Variants in PDLIM7 observed in about 807,000 individuals in gnomAD.
PDLIM7 encodes PDZ and LIM domain protein 7.
PDLIM7 carries 37 observed loss-of-function variants against 53.9 expected under a neutral mutation model. The ratio of observed to expected loss-of-function variants is 0.69; its 90% confidence interval spans 0.53 to 0.90. The LOEUF (loss-of-function observed/expected upper bound fraction) is 0.90. PDLIM7 is among the 40% of genes least tolerant of loss of function. PDLIM7 has a pLI of 0.00. For synonymous variants in PDLIM7, 300 were observed against 261.3 expected, an observed-to-expected ratio of 1.15 and a Z score of -1.43; for missense variants, 617 against 638.5, an observed-to-expected ratio of 0.97 and a Z score of 0.36.
chr5:177,488,227 C>G lies in PDLIM7; in HGVS notation c.891G>C (p.Leu297=), dbSNP rs1476647820. ...KVIRGRYLVA[L]GHAYHPEEFV... The stretch of plus-strand genomic sequence containing the variant: ...ACTCCTCCGGGTGGTACGCGTGGCC[C>G]AGCGCCACCAGGTAGCGGCCCCTGC... Residue 297 remains leucine (L), a synonymous_variant, in exon 10 of 13, where the codon CTG becomes CTC. Transcript: ENST00000355841. The G allele has an allele frequency of 6.2e-7, 1 of 1,607,012 alleles. No individual in the cohort carries two copies. The highest frequency in any genetic ancestry group is 8.5e-7 in the Non-Finnish European group (1 of 1,176,398).
chr5:177,496,072 TG>T (rs1304799011), intron 2 of PDLIM7, among the ~76,000 whole-genome samples: 2 of 152,110 alleles, frequency 1.3e-5, no homozygotes, highest in African/African-American at 4.8e-5. Context: ...GTGTCCTGCC[TG>T]GGGCCTGGCT....
chr5:177,494,886 G>C (rs1353904656), intron 2 of PDLIM7: 1 of 152,260 alleles, frequency 6.6e-6, no homozygotes. Context: ...TCCATTCTGG[G>C]GTCAGGGGAG....
intron 2 of PDLIM7, among the ~76,000 whole-genome samples, chr5:177,494,749 A>C (rs1194042217): frequency 1.3e-5 from 2 of 152,074 alleles, no homozygotes; most frequent in African/African-American, 4.8e-5. Context: ...GGAGGGAAAA[A>C]GCCAGGGGGC....
At chr5:177,490,716 A>AG in intron 7 of PDLIM7, 154 bp downstream of exon 7, 5 of 53,676 alleles carry the variant, frequency 9.3e-5, no homozygotes, top group Non-Finnish European at 1.7e-4. Flanking sequence ...GAGGAAGGGA[A>AG]GGAAGGAAGG....
rs1474701215 is a variant in PDLIM7 at position 177,489,779 on chromosome 5, G to A, written c.626C>T (p.Pro209Leu). 3.8e-6 allele frequency: 6 copies of A among 1,564,360 alleles called. No homozygotes were observed. Among genetic ancestry groups the A allele is most frequent in the South Asian group, 1.2e-5 (1 of 85,886 alleles). Residue 209 changes from proline to leucine, a missense_variant, in exon 8 of 13, where the codon CCC becomes CTC. Transcript: ENST00000355841. ...AGCCCACTCCCTCTCACCAGGCCAG[G>A]GCTCCTGGGGTGTAGATGAGGCTGG... is the stretch of plus-strand genomic sequence containing the variant. ...PAPASSTPQE[P>L]WPGPTAPSPT...
intron 7 of PDLIM7, chr5:177,490,044 G>A (rs1758669149): frequency 2.6e-6 from 4 of 1,532,692 alleles, no homozygotes; most frequent in South Asian, 1.2e-5. Context: ...GGGAGACGAG[G>A]CAGGGCTCCC....
Position 177,489,687 on chromosome 5 carries a change from C to A in PDLIM7, c.635-60G>T. 7 of 1,494,312 alleles carry A rather than the reference C, an allele frequency of 4.7e-6. No homozygotes were observed. The South Asian group carries it at 7.8e-5, about 17-fold the overall frequency. The allele number at this position is 1,494,312 out of a possible 1,614,324, so 92.6% of individuals were successfully genotyped here. A position where few individuals can be genotyped will look rare whatever the true frequency, so the allele number is the denominator to read the frequency against. On this transcript the variant is annotated intron_variant, in intron 8 of 12. Coordinates refer to ENST00000355841, the MANE Select transcript of PDLIM7 (RefSeq NM_005451.5). ...GGACCCCAAAGGACGGGGGTGGAGC[C>A]CCAGGCAGCTGAGAGAAGCCCACCA...
chr5:177,492,302 C>G (rs1398513887), intron 4 of PDLIM7, 103 bp downstream of exon 4: 18 of 1,460,016 alleles, frequency 1.2e-5, no homozygotes, highest in Non-Finnish European at 1.6e-5. Context: ...CCCTCCACTC[C>G]CGGCCAGGGA....
At position 177,489,568 on chromosome 5, in the gene PDLIM7, C is replaced by G. The variant is rs747995602; in HGVS notation, c.694G>C (p.Glu232Gln). 1.1e-4 allele frequency: 178 copies of G among 1,610,444 alleles called. No homozygotes were observed. The highest frequency in any genetic ancestry group is 1.7e-4 in the African/African-American group (13 of 74,902). ...CTCGTTTTGTCCGGGGCATAGCGCT[C>G]GGCAAACGCAGGGTCCACAGCCCAG... The part of the protein sequence containing the change: ...PPWAVDPAFA[E>Q]RYAPDKTSTV... Residue 232 changes from glutamate (E) to glutamine (Q), a missense_variant, in exon 9 of 13, where the codon GAG becomes CAG. Coordinates refer to ENST00000355841, the MANE Select transcript of PDLIM7 (RefSeq NM_005451.5).
At chr5:177,489,951 G>A (rs1310867753) in intron 7 of PDLIM7, 119 bp from the exon 8 acceptor site, 1 of 1,537,024 alleles carries the variant, frequency 6.5e-7, no homozygotes, top group Admixed American at 2.0e-5. Context: ...CTGCCGAGTT[G>A]GATTCCAGGT....
intron 4 of PDLIM7, chr5:177,492,191 C>CAGACAGGCGGAA (rs1758832470): frequency 1.5e-6 from 1 of 645,752 alleles, no homozygotes; most frequent in Non-Finnish European, 2.6e-6. Context: ...AGCAGGCGGA[C>CAGACAGGCGGAA]AGACAGGCGG....
Position 177,488,238 on chromosome 5 carries a change from G to C in PDLIM7, c.880C>G (p.Leu294Val). The C allele has an allele frequency of 6.2e-7, 1 of 1,603,184 alleles. No individual in the cohort carries two copies. Among genetic ancestry groups the C allele is most frequent in the Middle Eastern group, 1.7e-4 (1 of 6,010 alleles). ...TGGTACGCGTGGCCCAGCGCCACCAGGTAGCGGCCCCTGCAGGGAGGCGAG... is the reference window on the plus strand; with the variant it reads ...TGGTACGCGTGGCCCAGCGCCACCACGTAGCGGCCCCTGCAGGGAGGCGAG... ...QCHKVIRGRY[L>V]VALGHAYHPE... Residue 294 changes from leucine to valine, a missense_variant, in exon 10 of 13, where the codon CTG (leucine) becomes GTG (valine). Physicochemically the swap from Leu to Val is conservative, Grantham distance 32. Coordinates refer to ENST00000355841, the MANE Select transcript of PDLIM7 (RefSeq NM_005451.5).
intron 11 of PDLIM7, 40 bp from the exon 12 acceptor site, chr5:177,484,022 G>A (rs371792870): frequency 8.1e-6 from 13 of 1,613,288 alleles, no homozygotes; most frequent in African/African-American, 2.7e-5. Flanking sequence ...CTGGATTCAT[G>A]CCTGCCCCAT....
chr5:177,494,820 G>C (rs563648095), intron 2 of PDLIM7, among the ~76,000 whole-genome samples: 1 of 152,232 alleles, frequency 6.6e-6, no homozygotes, highest in Admixed American at 6.5e-5. Context: ...AGTCCCAGAC[G>C]TTACCTCATC....
chr5:177,487,979 G>C (rs911092830), intron 10 of PDLIM7, 89 bp downstream of exon 10: 1 of 1,327,278 alleles, frequency 7.5e-7, no homozygotes. Flanking sequence ...GGGCTCACTC[G>C]GGGAGAGACC....
rs374395931 is a variant in PDLIM7 at position 177,483,556 on chromosome 5, C to T, written c.*88G>A. On this transcript the variant is annotated 3_prime_UTR_variant, in exon 13 of 13. Coordinates refer to ENST00000355841, the MANE Select transcript of PDLIM7 (RefSeq NM_005451.5). ...GGGCCAGGAGCCAGGGTTAAGGCAA[C>T]CATTGCCAGCCCTACCCAGAAATGC... 17 of 1,005,498 alleles carry T rather than the reference C, an allele frequency of 1.7e-5. No individual in the cohort carries two copies. Among genetic ancestry groups the T allele is most frequent in the African/African-American group, 1.6e-4 (10 of 62,054 alleles). The allele number at this position is 1,005,498 out of a possible 1,614,324, so 62.3% of individuals were successfully genotyped here.
intron 7 of PDLIM7, chr5:177,490,590 T>C: frequency 6.4e-7 from 1 of 1,553,388 alleles, no homozygotes; most frequent in African/African-American, 1.4e-5. Context: ...GGACATACTT[T>C]TCCCTGAGGG....
chr5:177,496,582 C>A (rs558559166), intron 1 of PDLIM7, 59 bp from the exon 2 acceptor site: 1 of 1,261,540 alleles, frequency 7.9e-7, no homozygotes, highest in Non-Finnish European at 1.1e-6. Flanking sequence ...GCAGGCAGGC[C>A]GGGCCAGCTC....
chr5:177,495,777 G>A (rs557164794), intron 2 of PDLIM7, among the ~76,000 whole-genome samples: 4 of 152,190 alleles, frequency 2.6e-5, no homozygotes, highest in Non-Finnish European at 4.4e-5. Context: ...CTGAAGTTAA[G>A]CCCCTAGAAT....
Sources: gnomAD v4.1 joint callset for allele counts (sites outside exome capture counted in the v4.1 genomes callset) on GRCh38, gnomAD v4.1.1 for gene constraint, MANE v1.5 for transcripts, NCBI Gene and HGNC (gene_info 2026-07-23, HGNC 2026-07-21) for gene names.